USP2: variants seen among roughly 807,000 people sequenced by gnomAD.
USP2 encodes ubiquitin specific peptidase 2, also known as ubiquitin carboxyl-terminal hydrolase 2.
Under a neutral mutation model 72.0 loss-of-function variants are expected in USP2, and 33 were observed. The ratio of observed to expected loss-of-function variants is 0.46; its 90% CI spans 0.35 to 0.61. The LOEUF (loss-of-function observed/expected upper bound fraction) is 0.61, where lower values mean the gene tolerates loss of function less well. USP2 is among the 20% of genes least tolerant of loss of function. The pLI, the probability that USP2 is intolerant of heterozygous loss-of-function variation, is 0.01. For synonymous variants in USP2, 296 were observed against 312.5 expected, an observed-to-expected ratio of 0.95 and a Z score of 0.56; for missense variants, 691 against 797.8, an observed-to-expected ratio of 0.87 and a Z score of 1.61.
intron 2 of USP2, 57 bp downstream of exon 2, chr11:119,372,650 G>C (rs1950943943): frequency 6.1e-6 from 9 of 1,478,036 alleles, no homozygotes; most frequent in Non-Finnish European, 6.3e-6. Context: ...CAGCCTGGCT[G>C]TTCTCCATCA....
chr11:119,370,741 C>T (rs559166074), intron 2 of USP2, among the ~76,000 whole-genome samples: 4 of 152,342 alleles, frequency 2.6e-5, no homozygotes, highest in South Asian at 2.1e-4. Context: ...AGGGCATTCC[C>T]GGCTAAAGTG....
At chr11:119,360,082 G>A in intron 3 of USP2, 102 bp downstream of exon 3, 1 of 1,416,826 alleles carries the variant, frequency 7.1e-7, no homozygotes, top group South Asian at 1.2e-5. Flanking sequence ...TGGCTGAACG[G>A]GTAGGGAGTC....
intron 1 of USP2, chr11:119,376,126 A>G: frequency 1.0e-6 from 1 of 968,956 alleles, no homozygotes; most frequent in Non-Finnish European, 1.2e-6. Context: ...GGGGCCTTCC[A>G]CATGTCTCTC....
At position 119,359,755 on chromosome 11, in the gene USP2, AATCCTTTCATAGGAGGCT is replaced by A; in HGVS notation, c.826-113_826-96del. ...GAGGCTCTCTGGTTCATCTACCTAG[AATCCTTTCATAGGAGGCT>A]ATCCTTTCATAGCCTCAAGTTCCTC... On this transcript the variant is annotated intron_variant, in intron 3 of 12. Coordinates refer to ENST00000260187, the MANE Select transcript of USP2 (RefSeq NM_004205.5). The A allele has an allele frequency of 2.0e-6, 3 of 1,519,374 alleles. No individual in the cohort carries two copies. The African/African-American group carries it at 4.1e-5, about 21-fold the overall frequency. 94.1% of individuals were successfully genotyped at this position (1,519,374 alleles called of 1,614,324 possible). A position where few individuals can be genotyped will look rare whatever the true frequency, so the allele number is the denominator to read the frequency against.
At position 119,356,271 on chromosome 11, in the gene USP2, TA is replaced by T. The variant is rs888563163; in HGVS notation, c.*563del. Reference sequence around the variant, plus strand: ...GTCTGAACACTTTAGTTATGGAAATTAAAAAAAAAAAGTTGGGCTTTTTAAA... The same window carrying T: ...GTCTGAACACTTTAGTTATGGAAATTAAAAAAAAAAGTTGGGCTTTTTAAA... On this transcript the variant is annotated 3_prime_UTR_variant, in exon 13 of 13. Transcript: ENST00000260187. The T allele has an allele frequency of 4.9e-4, 72 of 147,054 alleles. No homozygotes were observed. The highest frequency in any genetic ancestry group is 4.2e-4 in the African/African-American group (17 of 40,230). The allele number at this position is 147,054 out of a possible 1,614,324, so 9.1% of individuals were successfully genotyped here.
intron 1 of USP2, chr11:119,376,153 A>C (rs1010283420): frequency 1.0e-6 from 1 of 984,590 alleles, no homozygotes; most frequent in Non-Finnish European, 1.2e-6. Context: ...CGCAACCCCC[A>C]GTTTCACTCT....
intron 1 of USP2, chr11:119,379,329 G>A (rs1028780468): frequency 7.1e-6 from 7 of 984,150 alleles, no homozygotes; most frequent in African/African-American, 5.3e-5. Flanking sequence ...GGGAACAATC[G>A]GGAGATTCAA....
intron 2 of USP2, chr11:119,363,789 CA>C (rs1950805031): frequency 7.7e-7 from 1 of 1,304,638 alleles, no homozygotes; most frequent in African/African-American, 1.6e-5. Flanking sequence ...GGGCAGAGGC[CA>C]GGGAGAAGGC....
rs1173181379 is a variant in USP2 at position 119,373,326 on chromosome 11, T to C, written c.155A>G (p.Lys52Arg). The C allele has an allele frequency of 1.9e-6, 3 of 1,613,344 alleles. No homozygotes were observed. Among genetic ancestry groups the C allele is most frequent in the East Asian group, 4.5e-5 (2 of 44,884 alleles). The change falls in exon 2 of 13, where the codon AAG becomes AGG. Residue 52 changes from lysine to arginine, a missense_variant. Transcript: ENST00000260187. ...GAGGAAGCTGCTGGTGGGGACCGGC[T>C]TGAAACCAAGTTTCTCCTTCTCCAG... ...SLLEKEKLGF[K>R]PVPTSSFLTR...
Position 119,373,318 on chromosome 11 carries a change from G to T in USP2, c.163C>A (p.Pro55Thr). 3 of 1,613,468 alleles carry T rather than the reference G, an allele frequency of 1.9e-6. 1 individual carries two copies. The South Asian group carries it at 3.3e-5, about 18-fold the overall frequency. ...GGACGGGTGAGGAAGCTGCTGGTGG[G>T]GACCGGCTTGAAACCAAGTTTCTCC... ...EKEKLGFKPVPTSSFLTRPRT... is the reference protein window; with the variant it reads ...EKEKLGFKPVTTSSFLTRPRT... Residue 55 changes from proline (P) to threonine (T), a missense_variant, in exon 2 of 13, where the codon CCC becomes ACC. Coordinates refer to ENST00000260187, the MANE Select transcript of USP2 (RefSeq NM_004205.5).
At chr11:119,365,432 C>T (rs1183608018) in intron 2 of USP2, among the ~76,000 whole-genome samples, 2 of 152,178 alleles carry the variant, frequency 1.3e-5, no homozygotes, top group African/African-American at 2.4e-5. Context: ...AGGCAGTCTG[C>T]TTGTGATCAG....
chr11:119,371,604 C>T (rs1216543043), intron 2 of USP2, among the ~76,000 whole-genome samples: 1 of 152,190 alleles, frequency 6.6e-6, no homozygotes, highest in East Asian at 1.9e-4. Flanking sequence ...CAAGGTCCTG[C>T]CCCTATTCCT....
At position 119,357,964 on chromosome 11, in the gene USP2, A is replaced by C; in HGVS notation, c.1422+17T>G. 1.2e-6 allele frequency: 2 copies of C among 1,614,144 alleles called. No individual in the cohort carries two copies. The highest frequency in any genetic ancestry group is 1.7e-6 in the Non-Finnish European group (2 of 1,180,018). Reference sequence around the variant, plus strand: ...CCCACGGAAATTTGTTCTTGCTATTACCGAAGGGTGACTTACTGGCTTTTC... The same window carrying C: ...CCCACGGAAATTTGTTCTTGCTATTCCCGAAGGGTGACTTACTGGCTTTTC... On this transcript the variant is annotated intron_variant, in intron 9 of 12. Coordinates refer to ENST00000260187, the MANE Select transcript of USP2 (RefSeq NM_004205.5).
In USP2 at chr11:119,365,038, G is replaced by T. The variant is rs527812798; in HGVS notation, c.775-4804C>A. Among the ~76,000 whole-genome samples, 19 of 152,294 alleles carry T rather than the reference G, an allele frequency of 1.2e-4. No homozygotes were observed. The South Asian group carries it at 1.5e-3, about 12-fold the overall frequency. ...AGCACAGCCATGCTGGAAGATCAGG[G>T]GTCTTTAGATTTCGTTTCTGATGCC... On this transcript the variant is annotated intron_variant, in intron 2 of 12. Transcript: ENST00000260187.
intron 2 of USP2, among the ~76,000 whole-genome samples, chr11:119,370,039 G>A (rs955901596): frequency 3.3e-5 from 5 of 152,156 alleles, no homozygotes; most frequent in African/African-American, 1.2e-4. Context: ...GCCTGGTGTG[G>A]TGGTACACGC....
intron 7 of USP2, 43 bp from the exon 8 acceptor site, chr11:119,358,295 G>C (rs764022976): frequency 1.9e-6 from 3 of 1,574,876 alleles, no homozygotes; most frequent in African/African-American, 2.7e-5. Context: ...ACAGGAAGTA[G>C]AGCATGGTCT....
chr11:119,358,595 C>G, intron 7 of USP2, 178 bp downstream of exon 7: 3 of 768,112 alleles, frequency 3.9e-6, no homozygotes, highest in Non-Finnish European at 6.4e-6. Flanking sequence ...GGTTTACAGG[C>G]ATGAGCCACC....
At chr11:119,356,971 C>G in intron 12 of USP2, 49 bp from the exon 13 acceptor site, 1 of 1,541,370 alleles carries the variant, frequency 6.5e-7, no homozygotes, top group African/African-American at 1.4e-5. Flanking sequence ...ACCGGGAGAC[C>G]CCCCGCCGGC....
intron 7 of USP2, 66 bp from the exon 8 acceptor site, chr11:119,358,318 CTTTTAT>C: frequency 7.1e-7 from 1 of 1,408,012 alleles, no homozygotes. Flanking sequence ...TGCACAGCAG[CTTTTAT>C]TTTTTTTTTT....
Sources: allele counts gnomAD v4.1 joint callset (sites outside exome capture counted in the v4.1 genomes callset), GRCh38; gene constraint gnomAD v4.1.1; transcripts MANE v1.5; gene names NCBI Gene and HGNC (gene_info 2026-07-23, HGNC 2026-07-21).